The following BTRC variants were observed in gnomAD, a reference collection of about 807,000 sequenced individuals.
The protein encoded by BTRC is F-box/WD repeat-containing protein 1A.
Under a neutral mutation model 85.5 loss-of-function variants are expected in BTRC, and 42 were observed. The ratio of observed to expected loss-of-function variants is 0.49; its 90% confidence interval spans 0.38 to 0.64. The LOEUF is 0.64. Ranked by LOEUF, BTRC falls within the 30% of genes least tolerant of loss-of-function variation. The probability of loss-of-function intolerance (pLI) is 0.00; values close to 1 mark genes in which losing one functional copy is unlikely to be tolerated. For synonymous variants in BTRC, 255 were observed against 263.3 expected (o/e 0.97, Z 0.30); for missense variants, 594 against 743.5 (o/e 0.80, Z 2.34).
At chr10:101,490,259 T>C (rs1234074382) in intron 4 of BTRC, among the ~76,000 whole-genome samples, 4 of 150,714 alleles carry the variant, frequency 2.7e-5, no homozygotes, top group Non-Finnish European at 5.9e-5. Flanking sequence ...CTCCCTCCCT[T>C]CCTTCCTTTC....
intron 1 of BTRC, among the ~76,000 whole-genome samples, chr10:101,400,790 C>T (rs1413194896): frequency 1.3e-5 from 2 of 152,128 alleles, no homozygotes; most frequent in Non-Finnish European, 2.9e-5. Context: ...GTTGCAAATG[C>T]CTTTCATCAA....
chr10:101,438,057 G>A (rs552759570), intron 2 of BTRC, among the ~76,000 whole-genome samples: 15 of 152,160 alleles, frequency 9.9e-5, no homozygotes, highest in African/African-American at 3.6e-4. Context: ...ATTCATTTTC[G>A]TACTTGATTC....
intron 11 of BTRC, 82 bp downstream of exon 11, chr10:101,535,554 A>T (rs992894656): frequency 1.1e-5 from 10 of 949,248 alleles, no homozygotes; most frequent in Non-Finnish European, 1.6e-5. Flanking sequence ...ACAAGTCTTC[A>T]ATTTTGTTAT....
At chr10:101,445,445 T>C (rs1944798073) in intron 2 of BTRC, among the ~76,000 whole-genome samples, 1 of 152,198 alleles carries the variant, frequency 6.6e-6, no homozygotes, top group Admixed American at 6.5e-5. Context: ...GTAGAAAATA[T>C]GTTGATCTTT....
intron 13 of BTRC, among the ~76,000 whole-genome samples, chr10:101,543,210 A>G (rs142292553): frequency 6.6e-6 from 1 of 152,338 alleles, no homozygotes; most frequent in African/African-American, 2.4e-5. Flanking sequence ...ATTATTGGGT[A>G]CCTGCGTGCT....
At chr10:101,519,924 G>A (rs1191353523) in intron 4 of BTRC, among the ~76,000 whole-genome samples, 1 of 152,074 alleles carries the variant, frequency 6.6e-6, no homozygotes, top group Non-Finnish European at 1.5e-5. Flanking sequence ...GAACCCGGGA[G>A]GCAGAGGTTG....
At chr10:101,355,404 T>C (rs1185725677) in intron 1 of BTRC, among the ~76,000 whole-genome samples, 1 of 152,222 alleles carries the variant, frequency 6.6e-6, no homozygotes, top group Non-Finnish European at 1.5e-5. Context: ...GTATCACGCT[T>C]TTCTTTTTGC....
chr10:101,505,949 G>T (rs1299000631), intron 4 of BTRC, among the ~76,000 whole-genome samples: 5 of 149,202 alleles, frequency 3.4e-5, no homozygotes, highest in African/African-American at 1.2e-4. Flanking sequence ...GAGTCTCGCT[G>T]TGTCGCCCAG....
chr10:101,510,228 G>T (rs1435500686), intron 4 of BTRC, among the ~76,000 whole-genome samples: 1 of 152,078 alleles, frequency 6.6e-6, no homozygotes, highest in East Asian at 1.9e-4. Context: ...ATTATTTTTG[G>T]CCGGGTGCAG....
intron 13 of BTRC, among the ~76,000 whole-genome samples, chr10:101,544,152 G>A (rs770052150): frequency 6.7e-4 from 102 of 152,132 alleles, no homozygotes; most frequent in Non-Finnish European, 1.1e-3. Context: ...CTCGTGATCC[G>A]CCCGCCTCAG....
intron 2 of BTRC, among the ~76,000 whole-genome samples, chr10:101,456,017 C>CACACACACACACACACACACACACAA (rs1416141920): frequency 2.7e-5 from 4 of 150,694 alleles, no homozygotes; most frequent in African/African-American, 4.9e-5. Context: ...CACACACACA[C>CACACACACACACACACACACACACAA]AAAATTAGCT....
chr10:101,451,619 T>G (rs1299809131), intron 2 of BTRC, among the ~76,000 whole-genome samples: 1 of 152,270 alleles, frequency 6.6e-6, no homozygotes, highest in East Asian at 1.9e-4. Context: ...TAATGACAAG[T>G]GTTTGCCTGC....
chr10:101,407,013 A>C (rs1456767415), intron 1 of BTRC, among the ~76,000 whole-genome samples: 1 of 152,136 alleles, frequency 6.6e-6, no homozygotes, highest in Non-Finnish European at 1.5e-5. Context: ...AACATTTACC[A>C]CAGATGCCAA....
chr10:101,417,709 G>T (rs528166999), intron 1 of BTRC, among the ~76,000 whole-genome samples: 1 of 152,182 alleles, frequency 6.6e-6, no homozygotes, highest in East Asian at 1.9e-4. Flanking sequence ...TTTAGAGATA[G>T]GGTCTTGTTC....
In BTRC at chr10:101,526,085, T is replaced by G. The variant is rs764295137; in HGVS notation, c.629T>G (p.Leu210Arg). 2.5e-6 allele frequency: 4 copies of G among 1,614,080 alleles called. No individual in the cohort carries two copies. The highest frequency in any genetic ancestry group is 1.7e-6 in the Non-Finnish European group (2 of 1,180,056). ...GCCAAATCACTATGTGCTGCTGAAC[T>G]TGTGTGCAAGGAATGGTACCGAGTG... is the stretch of plus-strand genomic sequence containing the variant. ...LDAKSLCAAE[L>R]VCKEWYRVTS... Residue 210 changes from leucine to arginine, a missense_variant, in exon 6 of 15, where the codon CTT becomes CGT. Leu to Arg is a moderately radical substitution (Grantham distance 102). Coordinates refer to ENST00000370187, the MANE Select transcript of BTRC (RefSeq NM_033637.4).
chr10:101,552,345 C>T lies in BTRC; in HGVS notation c.*32-810C>T, dbSNP rs542740227. Among the ~76,000 whole-genome samples, 24 of 146,800 alleles carry T rather than the reference C, an allele frequency of 1.6e-4. No homozygotes were observed. The East Asian group carries it at 4.6e-3, about 28-fold the overall frequency. On this transcript the variant is annotated intron_variant, in intron 14 of 14. Transcript: ENST00000370187. ...CGCGGGCACACAACACCATGACCAG[C>T]TAATTGTTTGTATTTTTTTTTTTTT...
intron 3 of BTRC, among the ~76,000 whole-genome samples, chr10:101,468,157 CTTTGT>C (rs1482005485): frequency 6.6e-6 from 1 of 152,026 alleles, no homozygotes; most frequent in Non-Finnish European, 1.5e-5. Context: ...GGGGTTGGTG[CTTTGT>C]TTTATTTGTA....
chr10:101,360,360 A>G (rs1403681535), intron 1 of BTRC, among the ~76,000 whole-genome samples: 1 of 139,476 alleles, frequency 7.2e-6, no homozygotes, highest in Non-Finnish European at 1.5e-5. Context: ...TGGCCTAGAG[A>G]TGGGATCTGC....
intron 1 of BTRC, among the ~76,000 whole-genome samples, chr10:101,413,846 A>G (rs1564756293): frequency 6.6e-6 from 1 of 152,130 alleles, no homozygotes; most frequent in Non-Finnish European, 1.5e-5. Flanking sequence ...TTCATGTTAT[A>G]TATTTTAAAT....
Sources: allele counts gnomAD v4.1 joint callset (sites outside exome capture counted in the v4.1 genomes callset), GRCh38; gene constraint gnomAD v4.1.1; transcripts MANE v1.5; gene names NCBI Gene and HGNC (gene_info 2026-07-23, HGNC 2026-07-21).